SLC9B1: variants seen among roughly 807,000 people sequenced by gnomAD.
The protein encoded by SLC9B1 is sodium/hydrogen exchanger 9B1.
SLC9B1 carries 32 observed loss-of-function variants against 51.7 expected under a neutral mutation model. That is an observed-to-expected ratio of 0.62 (90% CI 0.47 to 0.83). The LOEUF is 0.83. Among genes scored for constraint, SLC9B1 ranks in the 40% least tolerant of loss-of-function variants. The pLI is 0.00. For synonymous variants in SLC9B1, 145 were observed against 212.7 expected, an observed-to-expected ratio of 0.68 and a Z score of 2.77; for missense variants, 406 against 613.2, an observed-to-expected ratio of 0.66 and a Z score of 3.57.
intron 3 of SLC9B1, among the ~76,000 whole-genome samples, chr4:102,974,967 C>A (rs1487329697): frequency 6.6e-6 from 1 of 152,112 alleles, no homozygotes; most frequent in Non-Finnish European, 1.5e-5. Flanking sequence ...GGAATAGAAG[C>A]AAACATTTAA....
intron 1 of SLC9B1, among the ~76,000 whole-genome samples, chr4:103,011,014 C>A (rs1378030133): frequency 3.3e-5 from 5 of 152,160 alleles, no homozygotes; most frequent in African/African-American, 2.4e-5. Flanking sequence ...AGTCCAGAGT[C>A]CAGAGTCTCA....
chr4:102,991,700 T>C lies in SLC9B1; in HGVS notation c.12A>G (p.Thr4=). 1.9e-6 allele frequency: 3 copies of C among 1,583,650 alleles called. No homozygotes were observed. Among genetic ancestry groups the C allele is most frequent in the Non-Finnish European group, 2.6e-6 (3 of 1,162,754 alleles). Residue 4 remains threonine, a synonymous_variant, in exon 2 of 12, where the codon ACA becomes ACG. Coordinates refer to ENST00000296422, the MANE Select transcript of SLC9B1 (RefSeq NM_139173.4). MHT[T]ESKNEHLEDE... is the part of the protein sequence containing the mutation. ...CCTCCAAATGTTCATTTTTTGATTC[T>C]GTGGTATGCATGCTAAGATTTAAAA...
intron 7 of SLC9B1, among the ~76,000 whole-genome samples, chr4:102,922,259 C>T (rs1478618996): frequency 6.6e-6 from 1 of 152,074 alleles, no homozygotes; most frequent in Non-Finnish European, 1.5e-5. Flanking sequence ...TAAGAAGCTC[C>T]CTCAAAACTG....
At chr4:103,002,474 T>C (rs1740576915) in intron 1 of SLC9B1, among the ~76,000 whole-genome samples, 1 of 152,178 alleles carries the variant, frequency 6.6e-6, no homozygotes, top group African/African-American at 2.4e-5. Context: ...CTATAAAAGA[T>C]TAAATGATCT....
At chr4:102,906,093 A>C (rs762101136) in intron 10 of SLC9B1, among the ~76,000 whole-genome samples, 27 of 152,028 alleles carry the variant, frequency 1.8e-4, no homozygotes, top group Non-Finnish European at 3.8e-4. Flanking sequence ...GCACTACCAC[A>C]CCTGGCTAAT....
intron 7 of SLC9B1, among the ~76,000 whole-genome samples, chr4:102,926,897 C>G (rs1162938975): frequency 6.6e-6 from 1 of 152,184 alleles, no homozygotes; most frequent in Admixed American, 6.5e-5. Context: ...GGTACCAAAA[C>G]AGATATATAG....
chr4:102,969,691 G>T (rs989917905), intron 3 of SLC9B1, among the ~76,000 whole-genome samples: 2 of 152,164 alleles, frequency 1.3e-5, no homozygotes, highest in Admixed American at 1.3e-4. Flanking sequence ...AAACTTCTCC[G>T]AGCCAAAGGA....
chr4:102,906,712 TC>T (rs66628131), intron 9 of SLC9B1, 68 bp from the exon 10 acceptor site: 344,905 of 807,716 alleles, frequency 0.43, 65,936 homozygotes, highest in African/African-American at 0.52. Context: ...CTTAAAGTCT[TC>T]CCCCCCCTTT....
chr4:102,939,948 C>T (rs992027641), intron 6 of SLC9B1, among the ~76,000 whole-genome samples: 1 of 152,164 alleles, frequency 6.6e-6, no homozygotes, highest in Non-Finnish European at 1.5e-5. Flanking sequence ...TGGAACAAGA[C>T]AAGGATGCCC....
intron 1 of SLC9B1, among the ~76,000 whole-genome samples, chr4:102,995,604 G>A (rs556982912): frequency 1.3e-5 from 2 of 152,260 alleles, no homozygotes; most frequent in South Asian, 4.1e-4. Context: ...GCTTTATACT[G>A]AGTCAAGCAA....
At chr4:102,889,343 G>GACTT (rs1339494970) in intron 11 of SLC9B1, 2 of 136,980 alleles carry the variant, frequency 1.5e-5, no homozygotes, top group African/African-American at 5.5e-5. Flanking sequence ...TTGGTCACCA[G>GACTT]ACTTTGGAAA....
chr4:102,926,583 C>T (rs1339035378), intron 7 of SLC9B1, among the ~76,000 whole-genome samples: 1 of 152,022 alleles, frequency 6.6e-6, no homozygotes, highest in Non-Finnish European at 1.5e-5. Context: ...AACCACTGCT[C>T]AACGAAATAA....
chr4:103,008,675 A>C, intron 1 of SLC9B1, among the ~76,000 whole-genome samples: 1 of 145,722 alleles, frequency 6.9e-6, no homozygotes. Context: ...GAGACATCGC[A>C]CCTGACCCTG....
intron 11 of SLC9B1, chr4:102,891,979 G>A (rs1734269019): frequency 3.9e-5 from 6 of 152,192 alleles, no homozygotes; most frequent in Admixed American, 2.6e-4. Context: ...ATCTGAGGTT[G>A]TGTTAACATA....
intron 1 of SLC9B1, among the ~76,000 whole-genome samples, chr4:103,007,416 A>G (rs1740842565): frequency 6.6e-6 from 1 of 152,132 alleles, no homozygotes; most frequent in South Asian, 2.1e-4. Flanking sequence ...TAACCAGGGA[A>G]GTGAAGGATC....
At chr4:102,961,132 A>G (rs1560953422) in intron 3 of SLC9B1, among the ~76,000 whole-genome samples, 1 of 152,166 alleles carries the variant, frequency 6.6e-6, no homozygotes, top group Admixed American at 6.5e-5. Context: ...TTTTCCCTTT[A>G]AACATAAAGA....
At chr4:102,927,896 T>C (rs1454403543) in intron 7 of SLC9B1, among the ~76,000 whole-genome samples, 1 of 152,008 alleles carries the variant, frequency 6.6e-6, no homozygotes, top group Non-Finnish European at 1.5e-5. Context: ...AATGCAATCA[T>C]AAAAAAGGAT....
intron 6 of SLC9B1, among the ~76,000 whole-genome samples, chr4:102,937,582 G>A (rs1278456820): frequency 2.0e-5 from 3 of 151,032 alleles, no homozygotes; most frequent in African/African-American, 7.3e-5. Context: ...AAAATTAGCT[G>A]GGCATGGTGA....
chr4:102,986,280 A>G (rs1182206940), intron 3 of SLC9B1, among the ~76,000 whole-genome samples: 1 of 149,898 alleles, frequency 6.7e-6, no homozygotes, highest in Non-Finnish European at 1.5e-5. Context: ...CTCTCTCAAC[A>G]TTTTAAATAT....
Sources: allele counts gnomAD v4.1 joint callset (sites outside exome capture counted in the v4.1 genomes callset), GRCh38; gene constraint gnomAD v4.1.1; transcripts MANE v1.5; gene names NCBI Gene and HGNC (gene_info 2026-07-23, HGNC 2026-07-21).